Variants in BST1 observed in about 807,000 individuals in gnomAD.
The protein encoded by BST1 is ADP-ribosyl cyclase/cyclic ADP-ribose hydrolase 2.
A neutral mutation model predicts 40.6 loss-of-function variants in BST1; 49 were observed. That is an observed-to-expected ratio of 1.21 (90% CI 0.96 to 1.53). The LOEUF is 1.53. Ranked by LOEUF, BST1 falls within the 40% of genes most tolerant of loss-of-function variation. The pLI is 0.00. For missense variants in BST1, 423 were observed against 395.9 expected (o/e 1.07, Z -0.58); for synonymous variants, 157 against 159.3 (o/e 0.99, Z 0.11).
At chr4:15,725,212 C>T (rs1457878299) in intron 8 of BST1, among the ~76,000 whole-genome samples, 2 of 152,148 alleles carry the variant, frequency 1.3e-5, no homozygotes, top group Non-Finnish European at 2.9e-5. Context: ...AGGACTCACC[C>T]AAGACCACCC....
the BST1 span, among the ~76,000 whole-genome samples, chr4:15,758,998 A>G: frequency 3.3e-5 from 5 of 151,806 alleles, no homozygotes; most frequent in Non-Finnish European, 5.9e-5. Context: ...CTAAGAGTCA[A>G]TGCTTGGAAT....
the BST1 span, among the ~76,000 whole-genome samples, chr4:15,761,171 A>C: frequency 1.3e-5 from 2 of 151,824 alleles, no homozygotes; most frequent in Non-Finnish European, 2.9e-5. Context: ...CAGCCTCCCG[A>C]GTAGCTGGGA....
At chr4:15,756,319 C>T in the BST1 span, among the ~76,000 whole-genome samples, 1 of 152,130 alleles carries the variant, frequency 6.6e-6, no homozygotes, top group Non-Finnish European at 1.5e-5. Context: ...CAGAGATGGT[C>T]GTACCTGGCT....
the BST1 span, among the ~76,000 whole-genome samples, chr4:15,749,760 A>G: frequency 6.6e-6 from 1 of 152,192 alleles, no homozygotes; most frequent in African/African-American, 2.4e-5. Context: ...ACAGGCATGC[A>G]ATGTGAAATA....
At chr4:15,713,096 T>C (rs1243230558) in intron 4 of BST1, among the ~76,000 whole-genome samples, 1 of 152,170 alleles carries the variant, frequency 6.6e-6, no homozygotes, top group Non-Finnish European at 1.5e-5. Context: ...ATTTGCTCTG[T>C]AGTCGAAGCA....
At chr4:15,704,291 T>C (rs1353618453) in intron 1 of BST1, among the ~76,000 whole-genome samples, 1 of 150,214 alleles carries the variant, frequency 6.7e-6, no homozygotes. Flanking sequence ...GGTGTGTGTG[T>C]GTTCTGGAGT....
intron 4 of BST1, among the ~76,000 whole-genome samples, chr4:15,712,845 G>A (rs1720295010): frequency 6.6e-6 from 1 of 152,240 alleles, no homozygotes; most frequent in South Asian, 2.1e-4. Context: ...ACTCCAGTCA[G>A]TTGGCAGTGG....
At chr4:15,729,685 T>C (rs752111404) in intron 8 of BST1, among the ~76,000 whole-genome samples, 1 of 152,090 alleles carries the variant, frequency 6.6e-6, no homozygotes, top group Non-Finnish European at 1.5e-5. Context: ...TAACTGCAAA[T>C]AGTGCAGTTA....
chr4:15,718,628 A>G (rs1720638590), intron 6 of BST1, among the ~76,000 whole-genome samples: 1 of 152,220 alleles, frequency 6.6e-6, no homozygotes. Context: ...GACAGACTGC[A>G]CAGGTGGCTG....
chr4:15,708,341 G>A (rs1720008066), intron 3 of BST1, among the ~76,000 whole-genome samples: 1 of 152,154 alleles, frequency 6.6e-6, no homozygotes, highest in Admixed American at 6.5e-5. Context: ...GTGGTGCTAG[G>A]AGCTGGAGAC....
chr4:15,768,695 A>G, the BST1 span, among the ~76,000 whole-genome samples: 1 of 151,332 alleles, frequency 6.6e-6, no homozygotes, highest in African/African-American at 2.4e-5. Flanking sequence ...ATGGGGTTTC[A>G]CCTCGTTAGC....
chr4:15,749,036 T>G, the BST1 span, among the ~76,000 whole-genome samples: 2 of 152,168 alleles, frequency 1.3e-5, no homozygotes, highest in Non-Finnish European at 2.9e-5. Context: ...TGGAGCTTAA[T>G]CCTGCGGGGA....
the BST1 span, among the ~76,000 whole-genome samples, chr4:15,763,981 C>A: frequency 6.6e-6 from 1 of 152,024 alleles, no homozygotes; most frequent in South Asian, 2.1e-4. Context: ...AGTGTGTGGA[C>A]ATCACTCTAC....
chr4:15,736,839 T>C (rs998426466), downstream of BST1, among the ~76,000 whole-genome samples: 1 of 152,244 alleles, frequency 6.6e-6, no homozygotes, highest in African/African-American at 2.4e-5. Flanking sequence ...ACAGCAACTT[T>C]ACCTCTTTGT....
At chr4:15,707,891 A>G (rs1719983872) in intron 3 of BST1, among the ~76,000 whole-genome samples, 1 of 149,714 alleles carries the variant, frequency 6.7e-6, no homozygotes, top group Non-Finnish European at 1.5e-5. Flanking sequence ...ATATATACAC[A>G]TATATATACA....
chr4:15,733,876 T>C (rs1577600946), downstream of BST1, among the ~76,000 whole-genome samples: 1 of 152,230 alleles, frequency 6.6e-6, no homozygotes, highest in African/African-American at 2.4e-5. Flanking sequence ...CCAAACCATA[T>C]CAGAACTATT....
intron 7 of BST1, 63 bp from the exon 8 acceptor site, chr4:15,722,812 C>T (rs928790977): frequency 3.3e-5 from 47 of 1,440,018 alleles, no homozygotes; most frequent in Admixed American, 3.4e-5. Flanking sequence ...TCAGGCAAGC[C>T]ATAAATGGTT....
At chr4:15,755,813 C>T in the BST1 span, among the ~76,000 whole-genome samples, 1 of 152,054 alleles carries the variant, frequency 6.6e-6, no homozygotes, top group African/African-American at 2.4e-5. Flanking sequence ...AAAACTTAAC[C>T]ATTGGGTTAT....
chr4:15,767,069 C>G, the BST1 span, among the ~76,000 whole-genome samples: 1 of 151,756 alleles, frequency 6.6e-6, no homozygotes, highest in South Asian at 2.1e-4. Flanking sequence ...GTCTGCTAAC[C>G]CTGCCCCTCC....
Sources: gnomAD v4.1 joint callset for allele counts (sites outside exome capture counted in the v4.1 genomes callset) on GRCh38, gnomAD v4.1.1 for gene constraint, MANE v1.5 for transcripts, NCBI Gene and HGNC (gene_info 2026-07-23, HGNC 2026-07-21) for gene names.